The following PDZD9 variants were observed in gnomAD, a reference collection of about 807,000 sequenced individuals.
PDZD9 encodes the protein PDZ domain-containing protein 9.
In PDZD9, 13 loss-of-function variants were observed where a neutral mutation model predicts 16.3. The observed-to-expected ratio is 0.80, with a 90% CI of 0.52 to 1.27. The LOEUF is 1.27. Ranked by LOEUF, PDZD9 falls within the 50% of genes most tolerant of loss-of-function variation. PDZD9 has a pLI of 0.00. For missense variants in PDZD9, 288 were observed against 310.9 expected, an observed-to-expected ratio of 0.93 and a Z score of 0.55; for synonymous variants, 120 against 111.0, an observed-to-expected ratio of 1.08 and a Z score of -0.51.
chr16:21,960,407 A>G, the PDZD9 span, among the ~76,000 whole-genome samples: 1 of 152,230 alleles, frequency 6.6e-6, no homozygotes, highest in Non-Finnish European at 1.5e-5. Context: ...GAGTTAGGGC[A>G]TTGCTCTGGA....
the PDZD9 span, chr16:21,957,686 C>G: frequency 1.1e-5 from 15 of 1,402,016 alleles, no homozygotes; most frequent in African/African-American, 2.9e-5. Context: ...AACAAATTAC[C>G]ACGGACTGGG....
chr16:21,986,235 T>C (rs1049302112), intron 3 of PDZD9, among the ~76,000 whole-genome samples: 2 of 152,222 alleles, frequency 1.3e-5, no homozygotes, highest in African/African-American at 2.4e-5. Flanking sequence ...TGCCGCGTTA[T>C]ACATAAGTTA....
chr16:21,967,714 G>A, the PDZD9 span, among the ~76,000 whole-genome samples: 12 of 152,060 alleles, frequency 7.9e-5, no homozygotes, highest in Non-Finnish European at 1.2e-4. Context: ...GACAGTGACC[G>A]TTTTTGTTTT....
intron 1 of PDZD9, chr16:21,999,008 C>A (rs1352753726): frequency 4.9e-6 from 1 of 206,110 alleles, no homozygotes; most frequent in Non-Finnish European, 1.1e-5. Context: ...AAAGCACTTA[C>A]AAAACCCTCT....
intron 2 of PDZD9, among the ~76,000 whole-genome samples, chr16:21,995,661 C>T (rs982635933): frequency 2.0e-5 from 3 of 152,044 alleles, no homozygotes; most frequent in Non-Finnish European, 2.9e-5. Flanking sequence ...ACAGTGCTGC[C>T]ATCTCAGCTC....
In PDZD9 at chr16:22,001,061, C is replaced by T. The variant is rs1019201482; in HGVS notation, c.-14G>A. On this transcript the variant is annotated 5_prime_UTR_variant, in exon 1 of 4. Transcript: ENST00000424898. ...GGCCTTCTGCATGGTCCCGGGAGGT[C>T]AGGCAGCCCGGGAGGGCCTCCCGGA... The T allele has an allele frequency of 5.9e-6, 9 of 1,523,302 alleles. No individual in the cohort carries two copies. In the African/African-American group the frequency reaches 1.1e-4, roughly 19 times the overall value. 94.4% of individuals were successfully genotyped at this position (1,523,302 alleles called of 1,614,324 possible).
intron 1 of PDZD9, 57 bp downstream of exon 1, chr16:22,000,960 C>T: frequency 6.6e-7 from 1 of 1,509,380 alleles, no homozygotes; most frequent in Non-Finnish European, 8.9e-7. Context: ...AGAGGAGGAA[C>T]ATTGACGAAG....
intron 2 of PDZD9, 77 bp from the exon 3 acceptor site, chr16:21,988,868 GGT>G: frequency 8.1e-7 from 1 of 1,228,412 alleles, no homozygotes; most frequent in South Asian, 1.5e-5. Flanking sequence ...TTTATTGTGA[GGT>G]ATTTCATTTT....
At chr16:22,000,914 A>ATC in intron 1 of PDZD9, 103 bp downstream of exon 1, 1 of 1,153,556 alleles carries the variant, frequency 8.7e-7, no homozygotes, top group South Asian at 1.5e-5. Flanking sequence ...GAGAGAGGTT[A>ATC]TCTCCCAGGC....
chr16:21,958,447 TCTG>T, the PDZD9 span: 3 of 1,159,398 alleles, frequency 2.6e-6, no homozygotes, highest in Non-Finnish European at 3.8e-6. Context: ...TCTTTTTAAA[TCTG>T]CTCACAACAG....
chr16:21,972,196 A>G, the PDZD9 span: 1 of 1,494,996 alleles, frequency 6.7e-7, no homozygotes, highest in African/African-American at 1.4e-5. Flanking sequence ...CTGATAATCT[A>G]CTCTTAAAAT....
intron 3 of PDZD9, among the ~76,000 whole-genome samples, chr16:21,987,456 G>A (rs544497131): frequency 6.6e-6 from 1 of 152,162 alleles, no homozygotes; most frequent in South Asian, 2.1e-4. Context: ...TGATAATACA[G>A]TTTGAAAGTA....
chr16:21,996,591 C>G, intron 1 of PDZD9, 90 bp from the exon 2 acceptor site: 1 of 1,208,886 alleles, frequency 8.3e-7, no homozygotes. Flanking sequence ...ATCCCTGGGA[C>G]AGTTATTTAA....
the PDZD9 span, among the ~76,000 whole-genome samples, chr16:21,970,298 TGG>T: frequency 6.6e-6 from 1 of 152,242 alleles, no homozygotes; most frequent in Non-Finnish European, 1.5e-5. Context: ...TTAGTTCTTT[TGG>T]TTATGTCTAA....
downstream of PDZD9, chr16:21,983,032 TTGA>T: frequency 6.7e-7 from 1 of 1,500,148 alleles, no homozygotes; most frequent in Non-Finnish European, 9.2e-7. Context: ...GTTCGCCTGC[TTGA>T]TGATATATAT....
the PDZD9 span, among the ~76,000 whole-genome samples, chr16:21,969,091 T>A: frequency 9.9e-5 from 15 of 152,210 alleles, no homozygotes; most frequent in Non-Finnish European, 1.9e-4. Flanking sequence ...CACTAATAAT[T>A]AAGAAAATTT....
chr16:22,000,935 C>T, intron 1 of PDZD9, 82 bp downstream of exon 1: 1 of 1,414,542 alleles, frequency 7.1e-7, no homozygotes. Flanking sequence ...CAAGAGTGCA[C>T]CGTTGCCATT....
the PDZD9 span, among the ~76,000 whole-genome samples, chr16:21,970,791 G>A: frequency 6.6e-6 from 1 of 152,100 alleles, no homozygotes; most frequent in Non-Finnish European, 1.5e-5. Context: ...TCACCATGTT[G>A]GCTGGACTGG....
At chr16:21,985,330 G>T (rs1232174054) in intron 3 of PDZD9, among the ~76,000 whole-genome samples, 1 of 151,938 alleles carries the variant, frequency 6.6e-6, no homozygotes, top group Non-Finnish European at 1.5e-5. Flanking sequence ...TTTTAAAACA[G>T]GATCTCCCTA....
Sources: gnomAD v4.1 joint callset for allele counts (sites outside exome capture counted in the v4.1 genomes callset) on GRCh38, gnomAD v4.1.1 for gene constraint, MANE v1.5 for transcripts, NCBI Gene and HGNC (gene_info 2026-07-23, HGNC 2026-07-21) for gene names.